Variants in TUB observed in about 807,000 individuals in gnomAD.
TUB encodes the protein TUB bipartite transcription factor.
A neutral mutation model predicts 59.7 loss-of-function variants in TUB; 33 were observed. The observed-to-expected ratio is 0.55, with a 90% CI of 0.42 to 0.74. The LOEUF is 0.74. Among genes scored for constraint, TUB ranks in the 30% least tolerant of loss-of-function variants. The pLI, the probability that TUB is intolerant of heterozygous loss-of-function variation, is 0.00. For synonymous variants in TUB, 293 were observed against 256.4 expected, an observed-to-expected ratio of 1.14 and a Z score of -1.36; for missense variants, 659 against 672.0, an observed-to-expected ratio of 0.98 and a Z score of 0.21.
chr11:8,030,824 A>G (rs1005990132), intron 1 of TUB, among the ~76,000 whole-genome samples: 3 of 152,164 alleles, frequency 2.0e-5, no homozygotes, highest in African/African-American at 7.2e-5. Flanking sequence ...TTGCAAGGTC[A>G]CGTTCCTCTA....
At chr11:8,053,620 T>C (rs907356576) in intron 2 of TUB, among the ~76,000 whole-genome samples, 3 of 150,658 alleles carry the variant, frequency 2.0e-5, no homozygotes, top group South Asian at 2.1e-4. Flanking sequence ...CCTGCCTCAG[T>C]CTCCGGAGTA....
Position 8,101,512 on chromosome 11 carries a change from C to G in TUB, c.1414C>G (p.Arg472Gly). Residue 472 changes from arginine (R) to glycine (G), a missense_variant, in exon 12 of 12, where the codon CGG becomes GGG. Physicochemically the swap from Arg to Gly is moderately radical, Grantham distance 125. Coordinates refer to ENST00000299506, the MANE Select transcript of TUB (RefSeq NM_177972.3). Reference sequence around the variant, plus strand: ...GGACTACATCGTGATGCAGTTTGGCCGGGTAGCAGAGGATGTGTTCACCAT... The same window carrying G: ...GGACTACATCGTGATGCAGTTTGGCGGGGTAGCAGAGGATGTGTTCACCAT... ...DPDYIVMQFG[R>G]VAEDVFTMDY... The G allele has an allele frequency of 6.2e-7, 1 of 1,614,214 alleles. No individual in the cohort carries two copies. The highest frequency in any genetic ancestry group is 8.5e-7 in the Non-Finnish European group (1 of 1,180,040).
chr11:8,088,897 C>A (rs4074238), intron 1 of TUB, among the ~76,000 whole-genome samples: 8,596 of 152,288 alleles, frequency 0.056, 265 homozygotes, highest in Middle Eastern at 0.071. Flanking sequence ...GTCTGCAGCC[C>A]GGGAAGGACC....
At chr11:8,084,319 T>C (rs11821883) in intron 1 of TUB, among the ~76,000 whole-genome samples, 1,556 of 152,338 alleles carry the variant, frequency 0.01, 32 homozygotes, top group African/African-American at 0.035. Flanking sequence ...TCTCACATTC[T>C]GAGTTCAAAG....
Position 8,100,904 on chromosome 11 carries a change from T to C in TUB, c.1294T>C (p.Trp432Arg). The C allele has an allele frequency of 6.2e-7, 1 of 1,614,192 alleles. No homozygotes were observed. Among genetic ancestry groups the C allele is most frequent in the Non-Finnish European group, 8.5e-7 (1 of 1,180,028 alleles). Residue 432 changes from tryptophan to arginine, a missense_variant, in exon 11 of 12, where the codon TGG (tryptophan) becomes CGG (arginine). Trp to Arg is a moderately radical substitution (Grantham distance 101). This residue lies in a region of TUB where 226 missense variants were observed against 210.8 expected (regional missense o/e 1.07). Transcript: ENST00000299506. ...CGAGCTGCAAAACAAGACACCTGTC[T>C]GGAATGATGACACACAGTCCTATGT... ...IIELQNKTPV[W>R]NDDTQSYVLN...
chr11:8,094,012 T>G (rs753269967), intron 3 of TUB, 34 bp from the exon 4 acceptor site: 7 of 1,613,748 alleles, frequency 4.3e-6, no homozygotes, highest in Non-Finnish European at 5.9e-6. Context: ...ACTGCCTGTT[T>G]CTCTCTCTCC....
intron 2 of TUB, among the ~76,000 whole-genome samples, chr11:8,066,593 C>A (rs142089684): frequency 4.3e-4 from 66 of 152,286 alleles, no homozygotes; most frequent in Non-Finnish European, 8.1e-4. Context: ...TGGGCAGCCA[C>A]CCTGCTTGGG....
chr11:8,081,456 G>T lies in TUB; in HGVS notation c.-55G>T. The T allele has an allele frequency of 1.4e-6, 2 of 1,396,508 alleles. No individual in the cohort carries two copies. Among genetic ancestry groups the T allele is most frequent in the Non-Finnish European group, 1.9e-6 (2 of 1,078,630 alleles). 86.5% of individuals were successfully genotyped at this position (1,396,508 alleles called of 1,614,324 possible). A position where few individuals can be genotyped will look rare whatever the true frequency, so the allele number is the denominator to read the frequency against. ...GGAGCTGAGCAGGGCCCCCGCGCCG[G>T]CCCCTCCGGGCCCCGGCCTCCAGAG... is the stretch of plus-strand genomic sequence containing the variant. On this transcript the variant is annotated 5_prime_UTR_variant, in exon 1 of 12. Transcript: ENST00000299506.
chr11:8,086,055 T>C (rs757575167), intron 1 of TUB, among the ~76,000 whole-genome samples: 2 of 152,168 alleles, frequency 1.3e-5, no homozygotes, highest in Admixed American at 6.5e-5. Context: ...GTGGCTTTCC[T>C]GAGCCTCCCT....
chr11:8,079,439 C>T (rs889478134), upstream of TUB, among the ~76,000 whole-genome samples: 1 of 152,068 alleles, frequency 6.6e-6, no homozygotes, highest in Non-Finnish European at 1.5e-5. Context: ...GCCAAGCATC[C>T]CAGCAGGCAA....
chr11:8,037,180 C>T (rs1237300138), upstream of TUB, among the ~76,000 whole-genome samples: 2 of 152,274 alleles, frequency 1.3e-5, no homozygotes, highest in Non-Finnish European at 2.9e-5. Flanking sequence ...GATGTCTGTG[C>T]GTGTGCCCCT....
Position 8,100,619 on chromosome 11 carries a change from C to G in TUB, c.1215+18C>G, listed in dbSNP as rs373867678. ...CCCGCAACGTGAGTGTCTACCCCTT[C>G]CTCCCCTCTTTCCCCATCATCCTAG... On this transcript the variant is annotated intron_variant, in intron 10 of 11. Coordinates refer to ENST00000299506, the MANE Select transcript of TUB (RefSeq NM_177972.3). 437 of 1,608,008 alleles carry G rather than the reference C, an allele frequency of 2.7e-4. No individual in the cohort carries two copies. The highest frequency in any genetic ancestry group is 3.5e-4 in the Non-Finnish European group (406 of 1,174,886).
At chr11:8,035,100 A>G (rs1443640725), upstream of TUB, among the ~76,000 whole-genome samples, 1 of 152,206 alleles carries the variant, frequency 6.6e-6, no homozygotes, top group Non-Finnish European at 1.5e-5. Flanking sequence ...AAAGACATTG[A>G]CCTCAAGTGC....
chr11:8,027,140 A>G (rs1054484709), intron 1 of TUB, among the ~76,000 whole-genome samples: 2 of 152,194 alleles, frequency 1.3e-5, no homozygotes, highest in Non-Finnish European at 1.5e-5. Context: ...AGCTATTTCA[A>G]TGATTTCTGA....
Position 8,101,980 on chromosome 11 carries a change from C to A in TUB, c.*361C>A. On this transcript the variant is annotated 3_prime_UTR_variant, in exon 12 of 12. Coordinates refer to ENST00000299506, the MANE Select transcript of TUB (RefSeq NM_177972.3). The stretch of plus-strand genomic sequence containing the variant: ...GCATAGAGGGAGAGGAAGCACACTG[C>A]AGGGCTGCTGTGGCCCAGTCGTCCG... 3.8e-6 allele frequency: 1 copy of A among 265,296 alleles called. No individual in the cohort carries two copies. Among genetic ancestry groups the A allele is most frequent in the Non-Finnish European group, 7.2e-6 (1 of 137,988 alleles). The allele number at this position is 265,296 out of a possible 1,614,324, so 16.4% of individuals were successfully genotyped here.
At chr11:8,033,097 A>C (rs537205932) in intron 1 of TUB, among the ~76,000 whole-genome samples, 1 of 151,940 alleles carries the variant, frequency 6.6e-6, no homozygotes, top group Non-Finnish European at 1.5e-5. Flanking sequence ...TCTGGGGGGG[A>C]ACCTGGGAGA....
rs904124469 is a variant in TUB at position 8,091,734 on chromosome 11, G to C, written c.253+1503G>C. ...GGGGACCAGGGACCTCAGCCCAGCT[G>C]TCTCACAGAGGCAGCCCCAGCTGCT... On this transcript the variant is annotated intron_variant, in intron 3 of 11. Transcript: ENST00000299506. Among the ~76,000 whole-genome samples, 6 of 152,168 alleles carry C rather than the reference G, an allele frequency of 3.9e-5. No homozygotes were observed. The East Asian group carries it at 1.2e-3, about 29-fold the overall frequency.
In TUB at chr11:8,031,912, G is replaced by A. The variant is rs543392979; in HGVS notation, c.56+12554G>A. Among the ~76,000 whole-genome samples, 4 of 152,270 alleles carry A rather than the reference G, an allele frequency of 2.6e-5. No individual in the cohort carries two copies. In the East Asian group the frequency reaches 5.8e-4, roughly 22 times the overall value. On this transcript the variant is annotated intron_variant, in intron 1 of 11. Coordinates refer to the TUB transcript ENST00000534099. ...TCCCCCGCCCCCCTCGGGCCACTTC[G>A]CCTTCCGCGGGGTGTCATCTGTCTG...
intron 2 of TUB, among the ~76,000 whole-genome samples, chr11:8,073,675 G>A (rs1293237660): frequency 1.3e-5 from 2 of 152,158 alleles, no homozygotes; most frequent in African/African-American, 2.4e-5. Context: ...AACCCCTCCT[G>A]GAGGCTGAGC....
Sources: allele counts gnomAD v4.1 joint callset (sites outside exome capture counted in the v4.1 genomes callset), GRCh38; gene constraint gnomAD v4.1.1; regional missense constraint gnomAD v4.1.1; transcripts MANE v1.5; gene names NCBI Gene and HGNC (gene_info 2026-07-23, HGNC 2026-07-21).